Variants in PLCB1 observed in about 807,000 individuals in gnomAD.
PLCB1 encodes phospholipase C beta 1.
A neutral mutation model predicts 161.8 loss-of-function variants in PLCB1; 46 were observed. The ratio of observed to expected loss-of-function variants is 0.28; its 90% CI spans 0.22 to 0.36. The LOEUF is 0.36. Among genes scored for constraint, PLCB1 ranks in the 10% least tolerant of loss-of-function variants. The pLI, the probability that PLCB1 is intolerant of heterozygous loss-of-function variation, is 1.00. For missense variants in PLCB1, 1,016 were observed against 1,472.5 expected (o/e 0.69, Z 5.07); for synonymous variants, 517 against 503.7 (o/e 1.03, Z -0.35).
intron 3 of PLCB1, among the ~76,000 whole-genome samples, chr20:8,471,460 G>T (rs946370872): frequency 6.6e-6 from 1 of 152,118 alleles, no homozygotes; most frequent in African/African-American, 2.4e-5. Context: ...TGTGACAACT[G>T]GACAGGTACA....
In PLCB1 at chr20:8,586,244, A is replaced by G. The variant is rs114361494; in HGVS notation, c.247-42050A>G. Among the ~76,000 whole-genome samples the G allele has an allele frequency of 8.9e-3, 1,350 of 152,364 alleles. 31 individuals carry two copies. The highest frequency in any genetic ancestry group is 0.031 in the African/African-American group (1,299 of 41,596). On this transcript the variant is annotated intron_variant, in intron 3 of 31. Transcript: ENST00000338037. ...CATTAGCATTTTATTTTCCCTGCTTAGAGTATATGGTTGACTTATTCCTGT... is the reference window on the plus strand; with the variant it reads ...CATTAGCATTTTATTTTCCCTGCTTGGAGTATATGGTTGACTTATTCCTGT...
chr20:8,865,177 G>A (rs538481891), intron 31 of PLCB1, among the ~76,000 whole-genome samples: 3 of 152,204 alleles, frequency 2.0e-5, no homozygotes, highest in Admixed American at 2.0e-4. Flanking sequence ...TCCTTGTAGA[G>A]GAGAAAGAGA....
chr20:8,747,451 C>A (rs1244371597), intron 23 of PLCB1, among the ~76,000 whole-genome samples: 7 of 152,190 alleles, frequency 4.6e-5, no homozygotes, highest in Admixed American at 4.6e-4. Flanking sequence ...TCGTCTGTTT[C>A]ATCCTGCAAG....
rs752489932 is a variant in PLCB1 at position 8,654,898 on chromosome 20, C to G, written c.595-2286C>G. ...AAACATCTCCCCTATAGCCTTTCAT[C>G]TCAGCATTTAATGATGCTTACTTAT... On this transcript the variant is annotated intron_variant, in intron 7 of 31. Coordinates refer to ENST00000338037, the MANE Select transcript of PLCB1 (RefSeq NM_015192.4). Among the ~76,000 whole-genome samples, 7 of 152,148 alleles carry G rather than the reference C, an allele frequency of 4.6e-5. No homozygotes were observed. In the East Asian group the frequency reaches 1.2e-3, roughly 25 times the overall value.
intron 14 of PLCB1, among the ~76,000 whole-genome samples, chr20:8,718,227 A>T (rs945417471): frequency 1.3e-5 from 2 of 152,128 alleles, no homozygotes; most frequent in Non-Finnish European, 2.9e-5. Flanking sequence ...TCAAAAAAAA[A>T]AGAATTTGCT....
intron 3 of PLCB1, among the ~76,000 whole-genome samples, chr20:8,486,243 A>T (rs1192475083): frequency 6.6e-6 from 1 of 152,160 alleles, no homozygotes; most frequent in Non-Finnish European, 1.5e-5. Context: ...TATCAGAGGG[A>T]TACACTGAGA....
Position 8,739,015 on chromosome 20 carries a change from G to A in PLCB1, c.2209-246G>A, listed in dbSNP as rs578023556. On this transcript the variant is annotated intron_variant, in intron 20 of 31. Coordinates refer to ENST00000338037, the MANE Select transcript of PLCB1 (RefSeq NM_015192.4). ...AAAAGTACAAAAATTAGTCAGGTGT[G>A]GGGGCATGCACCTGTAGTCCCAGCT... Among the ~76,000 whole-genome samples, 17 of 152,264 alleles carry A rather than the reference G, an allele frequency of 1.1e-4. No homozygotes were observed. In the East Asian group the frequency reaches 2.9e-3, roughly 26 times the overall value.
In PLCB1 at chr20:8,357,944, C is replaced by T. The variant is rs570132011; in HGVS notation, c.178-13438C>T. Among the ~76,000 whole-genome samples, 184 of 152,258 alleles carry T rather than the reference C, an allele frequency of 1.2e-3. 1 individual carries two copies. Among genetic ancestry groups the T allele is most frequent in the African/African-American group, 4.3e-3 (178 of 41,552 alleles). On this transcript the variant is annotated intron_variant, in intron 2 of 31. Coordinates refer to ENST00000338037, the MANE Select transcript of PLCB1 (RefSeq NM_015192.4). Reference sequence around the variant, plus strand: ...GGTAAAGTTCATGCCTAAGCATGTGCAGAAACTCAAGGTCAAGTGCACCAC... The same window carrying T: ...GGTAAAGTTCATGCCTAAGCATGTGTAGAAACTCAAGGTCAAGTGCACCAC...
intron 3 of PLCB1, among the ~76,000 whole-genome samples, chr20:8,438,966 C>T (rs1192745582): frequency 6.6e-6 from 1 of 152,100 alleles, no homozygotes. Context: ...TTGACTTTGT[C>T]GGCAGGGAAT....
intron 4 of PLCB1, among the ~76,000 whole-genome samples, chr20:8,629,907 TCTTTC>T (rs1988504972): frequency 9.1e-6 from 1 of 109,612 alleles, no homozygotes; most frequent in Non-Finnish European, 2.0e-5. Flanking sequence ...TCTTTCTTTC[TCTTTC>T]CTTTCTTTCC....
At chr20:8,485,864 T>C (rs1982700455) in intron 3 of PLCB1, among the ~76,000 whole-genome samples, 1 of 152,134 alleles carries the variant, frequency 6.6e-6, no homozygotes, top group Non-Finnish European at 1.5e-5. Context: ...CCCTCAATCT[T>C]GGAGGGTGTA....
At chr20:8,783,489 C>T (rs1759878560) in intron 27 of PLCB1, among the ~76,000 whole-genome samples, 1 of 152,136 alleles carries the variant, frequency 6.6e-6, no homozygotes, top group Non-Finnish European at 1.5e-5. Context: ...ACTTTGAGCC[C>T]AAAACACAGA....
intron 24 of PLCB1, among the ~76,000 whole-genome samples, chr20:8,759,896 A>ATTTTTTTTTTTTTTTTTTTTTT (rs3033840): frequency 1.3e-5 from 1 of 78,260 alleles, no homozygotes; most frequent in African/African-American, 5.1e-5. Flanking sequence ...ATAATATCAC[A>ATTTTTTTTTTTTTTTTTTTTTT]TTTTTTTTTT....
At chr20:8,450,804 C>CT (rs2122645528) in intron 3 of PLCB1, among the ~76,000 whole-genome samples, 1 of 152,164 alleles carries the variant, frequency 6.6e-6, no homozygotes, top group African/African-American at 2.4e-5. Context: ...GAACTGGTTC[C>CT]TAGAAGCTAA....
chr20:8,206,767 G>C (rs1568590135), intron 2 of PLCB1, among the ~76,000 whole-genome samples: 1 of 150,540 alleles, frequency 6.6e-6, no homozygotes, highest in Non-Finnish European at 1.5e-5. Context: ...CATTATAAAG[G>C]ATAACAAAGT....
chr20:8,795,759 C>T (rs756984297), intron 31 of PLCB1, among the ~76,000 whole-genome samples: 11 of 151,704 alleles, frequency 7.3e-5, no homozygotes, highest in Non-Finnish European at 1.2e-4. Flanking sequence ...CTGGTAGTCC[C>T]GGCTACTTGG....
In PLCB1 at chr20:8,628,387, A is replaced by G. The variant is rs561450964; in HGVS notation, c.340A>G (p.Ile114Val). 1.9e-6 allele frequency: 3 copies of G among 1,614,074 alleles called. No homozygotes were observed. Among genetic ancestry groups the G allele is most frequent in the Admixed American group, 3.3e-5 (2 of 60,016 alleles). Residue 114 changes from isoleucine to valine, a missense_variant, in exon 4 of 32, where the codon ATC becomes GTC. Transcript: ENST00000338037. ...GGTGTATGGGCCTGACCTCGTGAAC[A>G]TCTCCCATTTGAATCTCGTGGCTTT... is the stretch of plus-strand genomic sequence containing the variant. ...TVVYGPDLVNISHLNLVAFQE... is the reference protein window; with the variant it reads ...TVVYGPDLVNVSHLNLVAFQE...
intron 3 of PLCB1, among the ~76,000 whole-genome samples, chr20:8,549,607 G>GT (rs1433938476): frequency 6.6e-6 from 1 of 152,080 alleles, no homozygotes; most frequent in African/African-American, 2.4e-5. Context: ...TTTTGTTTTT[G>GT]TTTTTTGAGA....
chr20:8,658,076 T>C (rs1160375332), intron 8 of PLCB1, among the ~76,000 whole-genome samples: 2 of 152,192 alleles, frequency 1.3e-5, no homozygotes, highest in African/African-American at 2.4e-5. Context: ...GTTGAGGAAT[T>C]ATACTCTCTT....
Sources: allele counts gnomAD v4.1 joint callset (sites outside exome capture counted in the v4.1 genomes callset), GRCh38; gene constraint gnomAD v4.1.1; transcripts MANE v1.5; gene names NCBI Gene and HGNC (gene_info 2026-07-23, HGNC 2026-07-21).